PLCH1: variants seen among roughly 807,000 people sequenced by gnomAD.
PLCH1 encodes phospholipase C eta 1.
PLCH1 carries 60 observed loss-of-function variants against 126.7 expected under a neutral mutation model. The observed-to-expected ratio is 0.47, with a 90% confidence interval of 0.38 to 0.59. PLCH1 has a LOEUF of 0.59. Ranked by LOEUF, PLCH1 falls within the 20% of genes least tolerant of loss-of-function variation. The probability of loss-of-function intolerance (pLI) is 0.00; values close to 1 mark genes in which losing one functional copy is unlikely to be tolerated. For synonymous variants in PLCH1, 719 were observed against 734.9 expected, an observed-to-expected ratio of 0.98 and a Z score of 0.35; for missense variants, 1,723 against 2,040.0, an observed-to-expected ratio of 0.84 and a Z score of 2.99.
chr3:155,725,644 T>G (rs1188601747), intron 1 of PLCH1, among the ~76,000 whole-genome samples: 3 of 152,136 alleles, frequency 2.0e-5, no homozygotes, highest in Non-Finnish European at 4.4e-5. Flanking sequence ...TTCACCACGT[T>G]GGCCGGGCTG....
At chr3:155,682,120 C>T (rs1453596212) in intron 2 of PLCH1, among the ~76,000 whole-genome samples, 3 of 152,144 alleles carry the variant, frequency 2.0e-5, no homozygotes, top group African/African-American at 7.2e-5. Flanking sequence ...TGAGTGTCTG[C>T]TAATAATCTA....
chr3:155,643,730 T>C (rs774945042), intron 2 of PLCH1, among the ~76,000 whole-genome samples: 2 of 152,242 alleles, frequency 1.3e-5, no homozygotes, highest in Non-Finnish European at 2.9e-5. Flanking sequence ...AGGGATCATG[T>C]CTGGTGTTGC....
At chr3:155,586,904 T>A (rs988175333) in intron 4 of PLCH1, among the ~76,000 whole-genome samples, 3 of 152,216 alleles carry the variant, frequency 2.0e-5, no homozygotes, top group Non-Finnish European at 4.4e-5. Flanking sequence ...TAAAACCTCA[T>A]GGATACTAAA....
Position 155,482,118 on chromosome 3 carries a change from G to A in PLCH1, c.3908C>T (p.Ser1303Phe), listed in dbSNP as rs370282412. The change falls in exon 23 of 23, where the codon TCT becomes TTT. Residue 1303 changes from serine (S) to phenylalanine (F), a missense_variant. Transcript: ENST00000460012. ...ESNLPGSPNTSRGWLPKSPTK... is the reference protein window; with the variant it reads ...ESNLPGSPNTFRGWLPKSPTK... ...AGGACTTTTTGGTAACCAGCCACGAGAAGTATTAGGGGATCCAGGCAGGTT... is the reference window on the plus strand; with the variant it reads ...AGGACTTTTTGGTAACCAGCCACGAAAAGTATTAGGGGATCCAGGCAGGTT... 2 of 1,614,038 alleles carry A rather than the reference G, an allele frequency of 1.2e-6. No homozygotes were observed. The highest frequency in any genetic ancestry group is 2.7e-5 in the African/African-American group (2 of 74,926).
chr3:155,568,966 G>A (rs1314876846), intron 6 of PLCH1, among the ~76,000 whole-genome samples: 2 of 152,090 alleles, frequency 1.3e-5, no homozygotes, highest in African/African-American at 2.4e-5. Flanking sequence ...CATTGAAGAG[G>A]TTACTTACCT....
chr3:155,652,391 T>A lies in PLCH1; in HGVS notation c.79+51755A>T, dbSNP rs543447389. 3.9e-5 allele frequency among the ~76,000 whole-genome samples: 6 copies of A among 152,346 alleles called. No individual in the cohort carries two copies. The South Asian group carries it at 1.2e-3, about 32-fold the overall frequency. On this transcript the variant is annotated intron_variant, in intron 2 of 22. Coordinates refer to ENST00000460012, the MANE Select transcript of PLCH1 (RefSeq NM_014996.4). ...ATCCACCAGAGTTCTCTAGAGTCAGTAGGACAAATCTGACTCAATCTGACA... is the reference window on the plus strand; with the variant it reads ...ATCCACCAGAGTTCTCTAGAGTCAGAAGGACAAATCTGACTCAATCTGACA...
chr3:155,514,826 A>G lies in PLCH1; in HGVS notation c.1529T>C (p.Leu510Pro), dbSNP rs765023721. The G allele has an allele frequency of 5.0e-6, 8 of 1,612,498 alleles. No homozygotes were observed. Among genetic ancestry groups the G allele is most frequent in the Non-Finnish European group, 8.5e-7 (1 of 1,178,684 alleles). The change falls in exon 12 of 23, where the codon CTG becomes CCG. Residue 510 changes from leucine to proline, a missense_variant. By Grantham distance (98) the Leu-to-Pro change is moderately conservative (BLOSUM62 -3). Around this residue, in one of 2 missense-constraint regions of PLCH1, gnomAD observed 776 missense variants for 1,062.9 expected, o/e 0.73. Transcript: ENST00000460012. Reference protein sequence around the residue: ...ESFIRKKLESLLKESQIRDKE... With the variant: ...ESFIRKKLESPLKESQIRDKE... The stretch of plus-strand genomic sequence containing the variant: ...ATCTCGAATTTGAGATTCTTTTAAC[A>G]GTGACTCCAGTTTTTTCCTTATGAA...
At chr3:155,638,717 A>T (rs1467646770) in intron 2 of PLCH1, among the ~76,000 whole-genome samples, 1 of 152,208 alleles carries the variant, frequency 6.6e-6, no homozygotes, top group Non-Finnish European at 1.5e-5. Flanking sequence ...CTCTCTTGTT[A>T]TTTAATTAAT....
intron 10 of PLCH1, among the ~76,000 whole-genome samples, chr3:155,541,633 C>A (rs529015226): frequency 6.6e-6 from 1 of 152,096 alleles, no homozygotes; most frequent in South Asian, 2.1e-4. Context: ...AGAACAATTG[C>A]AATAGTAGCA....
intron 15 of PLCH1, 110 bp from the exon 16 acceptor site, chr3:155,494,627 C>A: frequency 1.2e-6 from 1 of 837,188 alleles, no homozygotes; most frequent in Non-Finnish European, 1.9e-6. Flanking sequence ...AAAAGCAGAG[C>A]ACTAGAGAGT....
At chr3:155,494,623 A>G in intron 15 of PLCH1, 106 bp from the exon 16 acceptor site, 5 of 835,762 alleles carry the variant, frequency 6.0e-6, no homozygotes, top group Non-Finnish European at 9.4e-6. Flanking sequence ...AGCAAAAAGC[A>G]GAGCACTAGA....
At chr3:155,664,282 T>C (rs1742492480) in intron 2 of PLCH1, among the ~76,000 whole-genome samples, 2 of 152,180 alleles carry the variant, frequency 1.3e-5, no homozygotes, top group South Asian at 4.1e-4. Context: ...CCTACTGAAA[T>C]TACCTTCCAG....
At chr3:155,665,866 A>T (rs1742668801) in intron 2 of PLCH1, among the ~76,000 whole-genome samples, 1 of 152,182 alleles carries the variant, frequency 6.6e-6, no homozygotes, top group Non-Finnish European at 1.5e-5. Context: ...CAGAGCATAA[A>T]CTTCTGAGCT....
intron 2 of PLCH1, among the ~76,000 whole-genome samples, chr3:155,642,132 T>C (rs1182890411): frequency 2.0e-5 from 3 of 152,166 alleles, no homozygotes; most frequent in African/African-American, 7.2e-5. Flanking sequence ...CCCTATGAGG[T>C]ATGTGCTATT....
At position 155,665,743 on chromosome 3, in the gene PLCH1, A is replaced by AT. The variant is rs940372275; in HGVS notation, c.79+38402dup. On this transcript the variant is annotated intron_variant, in intron 2 of 22. Coordinates refer to ENST00000460012, the MANE Select transcript of PLCH1 (RefSeq NM_014996.4). ...GTACCCTGATTTTTAAATAAATCTG[A>AT]TTTTTTCCAATTATAAATGTAATAT... Among the ~76,000 whole-genome samples, 20 of 152,280 alleles carry AT rather than the reference A, an allele frequency of 1.3e-4. No homozygotes were observed. In the South Asian group the frequency reaches 1.5e-3, roughly 11 times the overall value.
intron 6 of PLCH1, among the ~76,000 whole-genome samples, chr3:155,581,470 G>C (rs1730667761): frequency 6.6e-6 from 1 of 152,126 alleles, no homozygotes; most frequent in Non-Finnish European, 1.5e-5. Flanking sequence ...TTGGCAATAA[G>C]AAGAAATGAA....
intron 4 of PLCH1, among the ~76,000 whole-genome samples, chr3:155,588,684 C>T (rs1170630389): frequency 6.6e-6 from 1 of 152,090 alleles, no homozygotes; most frequent in Non-Finnish European, 1.5e-5. Flanking sequence ...CCTTTAGCAC[C>T]AACACGGAAA....
At chr3:155,693,033 C>T (rs1267411064) in intron 2 of PLCH1, among the ~76,000 whole-genome samples, 1 of 152,082 alleles carries the variant, frequency 6.6e-6, no homozygotes. Context: ...CTGCCCGCCT[C>T]GGCCTCCCAA....
At chr3:155,514,431 A>C (rs1720027546) in intron 12 of PLCH1, among the ~76,000 whole-genome samples, 1 of 152,208 alleles carries the variant, frequency 6.6e-6, no homozygotes, top group Non-Finnish European at 1.5e-5. Context: ...TAAGGGACAC[A>C]GTGGGCTGAA....
Sources: allele counts gnomAD v4.1 joint callset (sites outside exome capture counted in the v4.1 genomes callset), GRCh38; gene constraint gnomAD v4.1.1; regional missense constraint gnomAD v4.1.1; transcripts MANE v1.5; gene names NCBI Gene and HGNC (gene_info 2026-07-23, HGNC 2026-07-21).